Variants in DCAF17 observed in about 807,000 individuals in gnomAD.
DCAF17 encodes the protein DDB1- and CUL4-associated factor 17.
Under a neutral mutation model 66.0 loss-of-function variants are expected in DCAF17, and 48 were observed. The observed-to-expected ratio is 0.73, with a 90% CI of 0.58 to 0.92. The LOEUF (loss-of-function observed/expected upper bound fraction) is 0.92, where lower values mean the gene tolerates loss of function less well. Among genes scored for constraint, DCAF17 ranks in the 40% least tolerant of loss-of-function variants. DCAF17 has a pLI of 0.00. For missense variants in DCAF17, 562 were observed against 622.8 expected, an observed-to-expected ratio of 0.90 and a Z score of 1.04; for synonymous variants, 206 against 214.6, an observed-to-expected ratio of 0.96 and a Z score of 0.35.
At chr2:171,452,568 G>A (rs1020986633) in intron 5 of DCAF17, among the ~76,000 whole-genome samples, 29 of 152,146 alleles carry the variant, frequency 1.9e-4, no homozygotes, top group Admixed American at 1.6e-3. Flanking sequence ...CTCCTCTCAC[G>A]TCACCCTCCT....
intron 9 of DCAF17, 44 bp from the exon 10 acceptor site, chr2:171,473,822 A>C (rs1204193491): frequency 6.7e-7 from 1 of 1,487,974 alleles, no homozygotes; most frequent in Non-Finnish European, 9.3e-7. Context: ...AAATCATTTG[A>C]TTTTCCCTTA....
At chr2:171,435,961 C>T (rs1693904068) in intron 2 of DCAF17, among the ~76,000 whole-genome samples, 3 of 152,188 alleles carry the variant, frequency 2.0e-5, no homozygotes. Context: ...CAAAACAGAA[C>T]CATGTACCTT....
chr2:171,481,773 A>G lies in DCAF17; in HGVS notation c.*659A>G, dbSNP rs1302893918. 4.4e-6 allele frequency: 2 copies of G among 453,224 alleles called. No homozygotes were observed. Among genetic ancestry groups the G allele is most frequent in the East Asian group, 1.4e-4 (2 of 14,414 alleles). The allele number at this position is 453,224 out of a possible 1,614,324, so 28.1% of individuals were successfully genotyped here. A position where few individuals can be genotyped will look rare whatever the true frequency, so the allele number is the denominator to read the frequency against. ...ACATTGAATATTTGTGTTTCTATAT[A>G]GGCTAATGTAAAAGATTCCAAGCAA... On this transcript the variant is annotated 3_prime_UTR_variant, in exon 14 of 14. Coordinates refer to ENST00000375255, the MANE Select transcript of DCAF17 (RefSeq NM_025000.4).
intron 10 of DCAF17, among the ~76,000 whole-genome samples, chr2:171,476,600 G>T (rs1281956734): frequency 6.6e-6 from 1 of 152,138 alleles, no homozygotes; most frequent in Admixed American, 6.5e-5. Context: ...AAATAGCTTA[G>T]GCCTGACCAA....
intron 9 of DCAF17, chr2:171,472,867 T>G (rs1696323545): frequency 6.4e-6 from 2 of 313,632 alleles, no homozygotes; most frequent in African/African-American, 4.5e-5. Flanking sequence ...TCATTTTACA[T>G]TAGAGAAATT....
chr2:171,434,964 G>A, intron 1 of DCAF17, 119 bp from the exon 2 acceptor site: 1 of 1,018,844 alleles, frequency 9.8e-7, no homozygotes, highest in Non-Finnish European at 1.5e-6. Flanking sequence ...GGGCAGAGTG[G>A]AGGAAGGATG....
At position 171,484,477 on chromosome 2, in the gene DCAF17, C is replaced by T. The variant is rs909173262; in HGVS notation, c.*3363C>T. ...CTTGTTTTATTATTTTCCTATCCAGCGTACTTTTTGATGGATTTCAAAATA... is the reference window on the plus strand; with the variant it reads ...CTTGTTTTATTATTTTCCTATCCAGTGTACTTTTTGATGGATTTCAAAATA... On this transcript the variant is annotated 3_prime_UTR_variant, in exon 14 of 14. Transcript: ENST00000375255. 1 of 443,678 alleles carries T rather than the reference C, an allele frequency of 2.3e-6. No homozygotes were observed. The highest frequency in any genetic ancestry group is 7.0e-5 in the East Asian group (1 of 14,278). 27.5% of individuals were successfully genotyped at this position (443,678 alleles called of 1,614,324 possible).
chr2:171,446,528 A>G (rs528375128), intron 3 of DCAF17, among the ~76,000 whole-genome samples: 10 of 152,216 alleles, frequency 6.6e-5, no homozygotes, highest in African/African-American at 2.2e-4. Flanking sequence ...CCTGGGTGAC[A>G]GAGCAAGACT....
At chr2:171,457,332 T>G (rs1190402435) in intron 6 of DCAF17, among the ~76,000 whole-genome samples, 1 of 152,234 alleles carries the variant, frequency 6.6e-6, no homozygotes, top group African/African-American at 2.4e-5. Context: ...GACATCTTCC[T>G]CTATTCCTGT....
intron 8 of DCAF17, among the ~76,000 whole-genome samples, chr2:171,465,141 T>C (rs919270163): frequency 1.3e-5 from 2 of 150,766 alleles, no homozygotes; most frequent in Non-Finnish European, 3.0e-5. Flanking sequence ...GAGGTTGCAG[T>C]GAGCCGAGAT....
chr2:171,435,341 TA>T (rs1693807598), intron 2 of DCAF17, among the ~76,000 whole-genome samples, 155 bp downstream of exon 2: 1 of 152,236 alleles, frequency 6.6e-6, no homozygotes, highest in African/African-American at 2.4e-5. Flanking sequence ...CATGTAATTT[TA>T]AAATCTTGTT....
chr2:171,465,401 T>C (rs1266352845), intron 8 of DCAF17, among the ~76,000 whole-genome samples: 2 of 152,200 alleles, frequency 1.3e-5, no homozygotes, highest in Admixed American at 6.5e-5. Flanking sequence ...TGGGGTTTGC[T>C]GTTTTCCTTT....
At chr2:171,466,581 T>C (rs551324817) in intron 8 of DCAF17, among the ~76,000 whole-genome samples, 1 of 124,170 alleles carries the variant, frequency 8.1e-6, no homozygotes, top group South Asian at 2.6e-4. Context: ...TTAGGCCTTT[T>C]TCATTGAGAA....
At chr2:171,445,731 G>A (rs1420855653) in intron 3 of DCAF17, among the ~76,000 whole-genome samples, 1 of 152,032 alleles carries the variant, frequency 6.6e-6, no homozygotes, top group African/African-American at 2.4e-5. Flanking sequence ...TGCCTAAGCT[G>A]GAGTCCAGTG....
At chr2:171,456,032 C>T (rs1186288214) in intron 6 of DCAF17, among the ~76,000 whole-genome samples, 1 of 152,072 alleles carries the variant, frequency 6.6e-6, no homozygotes, top group African/African-American at 2.4e-5. Flanking sequence ...TCCTATTTGT[C>T]AATTTTTGCT....
chr2:171,472,268 C>T (rs541383956), intron 9 of DCAF17, among the ~76,000 whole-genome samples: 1 of 152,012 alleles, frequency 6.6e-6, no homozygotes, highest in Admixed American at 6.6e-5. Context: ...CAAGCTCTGC[C>T]TCCTGGGTTC....
rs1251719418 is a variant in DCAF17, at chr2:171,469,046, G to T, written c.981+16G>T. The T allele has an allele frequency of 1.2e-6, 2 of 1,613,722 alleles. No individual in the cohort carries two copies. Among genetic ancestry groups the T allele is most frequent in the East Asian group, 2.2e-5 (1 of 44,882 alleles). On this transcript the variant is annotated intron_variant, in intron 9 of 13. Transcript: ENST00000375255. ...CAATTCCCTGGTAAATGAGTGATCA[G>T]ACTTTTTATTAGCAAATTTGTATCA...
chr2:171,448,578 T>C (rs2105750086), intron 3 of DCAF17, 103 bp from the exon 4 acceptor site: 1 of 1,056,340 alleles, frequency 9.5e-7, no homozygotes, highest in South Asian at 2.0e-5. Context: ...TGTGGTTTAT[T>C]TATTTGGCAT....
intron 9 of DCAF17, among the ~76,000 whole-genome samples, chr2:171,469,554 C>G (rs1408688619): frequency 6.6e-6 from 1 of 152,124 alleles, no homozygotes; most frequent in Non-Finnish European, 1.5e-5. Flanking sequence ...AATTTCTACC[C>G]TTCGAATTCA....
Sources: gnomAD v4.1 joint callset for allele counts (sites outside exome capture counted in the v4.1 genomes callset) on GRCh38, gnomAD v4.1.1 for gene constraint, MANE v1.5 for transcripts, NCBI Gene and HGNC (gene_info 2026-07-23, HGNC 2026-07-21) for gene names.